Variants in GSTM2 observed in about 807,000 individuals in gnomAD.
GSTM2 encodes GST class-mu 2.
In GSTM2, 33 loss-of-function variants were observed where a neutral mutation model predicts 33.3. The observed-to-expected ratio is 0.99, with a 90% CI of 0.75 to 1.33. GSTM2 has a LOEUF of 1.33. Ranked by LOEUF, GSTM2 falls within the 40% of genes most tolerant of loss-of-function variation. GSTM2 has a pLI of 0.00. For missense variants in GSTM2, 213 were observed against 265.8 expected (o/e 0.80, Z 1.38); for synonymous variants, 93 against 95.6 (o/e 0.97, Z 0.16).
downstream of GSTM2, among the ~76,000 whole-genome samples, chr1:109,676,139 G>C (rs619686): frequency 0.96 from 146,068 of 152,254 alleles, 70,118 homozygotes; most frequent in East Asian, 1. Flanking sequence ...GGAGTTTTCT[G>C]CACCCGGCCC....
chr1:109,671,600 C>A lies in GSTM2; in HGVS notation c.567+17C>A. The stretch of plus-strand genomic sequence containing the variant: ...CGATTTGAGGTGATGCCCCCAGCCT[C>A]CTTTCTCTTTATGTCTCTTATTCCT... On this transcript the variant is annotated intron_variant, in intron 7 of 7. Coordinates refer to ENST00000241337, the MANE Select transcript of GSTM2 (RefSeq NM_000848.4). 1 of 1,285,318 alleles carries A rather than the reference C, an allele frequency of 7.8e-7. No homozygotes were observed. Among genetic ancestry groups the A allele is most frequent in the Non-Finnish European group, 1.1e-6 (1 of 879,428 alleles). The allele number at this position is 1,285,318 out of a possible 1,614,324, so 79.6% of individuals were successfully genotyped here.
downstream of GSTM2, among the ~76,000 whole-genome samples, chr1:109,677,920 G>A (rs1557960857): frequency 6.6e-6 from 1 of 152,176 alleles, no homozygotes; most frequent in South Asian, 2.1e-4. Flanking sequence ...AAGGGCATGT[G>A]TTTTTCTCTC....
At chr1:109,672,366 T>G (rs1647576339) in intron 7 of GSTM2, among the ~76,000 whole-genome samples, 1 of 152,204 alleles carries the variant, frequency 6.6e-6, no homozygotes, top group Non-Finnish European at 1.5e-5. Flanking sequence ...TTATACCTAT[T>G]GTGTTGAATT....
chr1:109,668,320 G>C (rs1647408742), intron 1 of GSTM2, 105 bp from the exon 2 acceptor site: 22 of 1,413,702 alleles, frequency 1.6e-5, no homozygotes, highest in Non-Finnish European at 2.2e-5. Flanking sequence ...GGTGGGGGCG[G>C]GTGAGGCAGG....
At chr1:109,673,864 G>T (rs1193560509) in intron 7 of GSTM2, among the ~76,000 whole-genome samples, 1 of 152,212 alleles carries the variant, frequency 6.6e-6, no homozygotes, top group Non-Finnish European at 1.5e-5. Context: ...CTTCCAAAGT[G>T]CTGGGATTAC....
rs1399666227 is a variant in GSTM2, at chr1:109,668,935, T to G, written c.123T>G (p.Tyr41Ter). The change falls in exon 3 of 8, where the codon TAT (tyrosine) becomes TAG (stop). Residue 41 changes from tyrosine to a stop codon, truncating the protein, a stop_gained. Transcript: ENST00000241337. LOFTEE classifies it high-confidence loss of function. ...TCTTCCCCACCACAGCTCCTGATTA[T>G]GACAGAAGCCAGTGGCTGAATGAAA... ...KKYTMGDAPDYDRSQWLNEKF... is the reference protein window; with the variant it reads ...KKYTMGDAPD 3 of 1,612,194 alleles carry G rather than the reference T, an allele frequency of 1.9e-6. No individual in the cohort carries two copies. In the African/African-American group the frequency reaches 4.0e-5, roughly 22 times the overall value.
chr1:109,673,304 A>G, intron 7 of GSTM2: 2 of 1,590,286 alleles, frequency 1.3e-6, no homozygotes, highest in South Asian at 2.3e-5. Flanking sequence ...AGATGCATAG[A>G]TGACAGCCCC....
chr1:109,673,351 G>A, intron 7 of GSTM2: 1 of 1,427,952 alleles, frequency 7.0e-7, no homozygotes, highest in Non-Finnish European at 9.6e-7. Flanking sequence ...CCTGCAGGCA[G>A]AGCAGCCTGT....
rs530494450 is a variant in GSTM2 at position 109,680,604 on chromosome 1, C to A, written c.567+9021C>A. Among the ~76,000 whole-genome samples the A allele has an allele frequency of 1.7e-4, 15 of 86,322 alleles. No individual in the cohort carries two copies. In the East Asian group the frequency reaches 6.3e-3, roughly 36 times the overall value. The allele number at this position is 86,322 out of a possible 152,430, so 56.6% of individuals were successfully genotyped here. A position where few individuals can be genotyped will look rare whatever the true frequency, so the allele number is the denominator to read the frequency against. ...GTGAGCAGTGGGAAGGGGGCTGCGT[C>A]TGGTGACTAGCATCACTCATATCCA... On this transcript the variant is annotated intron_variant, in intron 7 of 7. Coordinates refer to the GSTM2 transcript ENST00000369831.
chr1:109,682,507 G>T lies in GSTM2; in HGVS notation c.567+10924G>T, dbSNP rs1285422019. 2.8e-3 allele frequency among the ~76,000 whole-genome samples: 305 copies of T among 107,682 alleles called. 23 individuals are homozygous for T. Among genetic ancestry groups the T allele is most frequent in the South Asian group, 4.8e-3 (16 of 3,312 alleles). The allele number at this position is 107,682 out of a possible 152,430, so 70.6% of individuals were successfully genotyped here. A position where few individuals can be genotyped will look rare whatever the true frequency, so the allele number is the denominator to read the frequency against. On this transcript the variant is annotated intron_variant, in intron 7 of 7. Transcript: ENST00000369831. ...CGCCCGCCTTGGCCTCCCAAAGTGT[G>T]GGGATTACAGGCGTGTAGTTACCTA...
intron 1 of GSTM2, 131 bp from the exon 2 acceptor site, chr1:109,668,294 G>A: frequency 7.4e-7 from 1 of 1,350,914 alleles, no homozygotes; most frequent in Non-Finnish European, 1.1e-6. Flanking sequence ...GTCTGTGCGT[G>A]TGGCTGGGCG....
intron 7 of GSTM2, chr1:109,673,209 C>G: frequency 6.2e-7 from 1 of 1,611,964 alleles, no homozygotes; most frequent in East Asian, 2.2e-5. Context: ...CCAGGTGTTC[C>G]CCCTGTGAGA....
chr1:109,671,253 G>A, intron 5 of GSTM2, 34 bp from the exon 6 acceptor site: 1 of 1,494,030 alleles, frequency 6.7e-7, no homozygotes, highest in Non-Finnish European at 9.3e-7. Context: ...GGGAGCTTGT[G>A]TCTGAGGGTG....
chr1:109,668,401 C>T (rs758678553), intron 1 of GSTM2, 24 bp from the exon 2 acceptor site: 12 of 1,612,224 alleles, frequency 7.4e-6, no homozygotes, highest in East Asian at 4.5e-5. Flanking sequence ...ATCTCTGACC[C>T]GAGCTGTGGG....
At chr1:109,672,868 CTT>C (rs67187488) in intron 7 of GSTM2, among the ~76,000 whole-genome samples, 172 of 122,236 alleles carry the variant, frequency 1.4e-3, no homozygotes, top group East Asian at 8.7e-3. Flanking sequence ...TTCTCTACCT[CTT>C]TTTTTTTTTT....
rs377205064 is a variant in GSTM2 at position 109,668,111 on chromosome 1, G to A, written c.-5G>A. The stretch of plus-strand genomic sequence containing the variant: ...CTGTCTGCAGAATCCACAGCAACCA[G>A]CACCATGCCCATGACACTGGGGTAC... On this transcript the variant is annotated 5_prime_UTR_variant, in exon 1 of 8. Coordinates refer to ENST00000241337, the MANE Select transcript of GSTM2 (RefSeq NM_000848.4). 2 of 1,612,920 alleles carry A rather than the reference G, an allele frequency of 1.2e-6. No individual in the cohort carries two copies. Among genetic ancestry groups the A allele is most frequent in the South Asian group, 1.1e-5 (1 of 91,066 alleles).
intron 7 of GSTM2, chr1:109,673,161 C>T (rs564860512): frequency 7.7e-5 from 124 of 1,606,214 alleles, no homozygotes; most frequent in Non-Finnish European, 9.2e-5. Context: ...TGAGCCACCG[C>T]GCCTGGCCTC....
chr1:109,668,601 T>C, intron 2 of GSTM2, 101 bp downstream of exon 2: 3 of 1,317,592 alleles, frequency 2.3e-6, no homozygotes, highest in Non-Finnish European at 3.3e-6. Flanking sequence ...CCTCCCTTGC[T>C]GGAACTGCAG....
Position 109,668,997 on chromosome 1 carries a change from C to A in GSTM2, c.177+8C>A. ...GGCCTGGACTTTCCCAATGTAGGTG[C>A]AGGGGAAGGGGCGGTTTTGGGGGAA... On this transcript the variant is annotated splice_region_variant and intron_variant, in intron 3 of 7. Transcript: ENST00000241337. The A allele has an allele frequency of 1.2e-6, 2 of 1,611,528 alleles. No homozygotes were observed. The highest frequency in any genetic ancestry group is 1.7e-6 in the Non-Finnish European group (2 of 1,179,434).
Sources: gnomAD v4.1 joint callset for allele counts (sites outside exome capture counted in the v4.1 genomes callset) on GRCh38, gnomAD v4.1.1 for gene constraint, MANE v1.5 for transcripts, NCBI Gene and HGNC (gene_info 2026-07-23, HGNC 2026-07-21) for gene names.